Variants in MEI4 observed in about 807,000 individuals in gnomAD.
The protein encoded by MEI4 is meiotic double-stranded break formation protein 4, also known as meiosis-specific protein MEI4.
MEI4 carries 27 observed loss-of-function variants against 31.4 expected under a neutral mutation model. That is an observed-to-expected ratio of 0.86 (90% CI 0.63 to 1.19). The LOEUF is 1.19. Among genes scored for constraint, MEI4 ranks in the 50% most tolerant of loss-of-function variants. MEI4 has a pLI of 0.00. For synonymous variants in MEI4, 122 were observed against 145.4 expected, an observed-to-expected ratio of 0.84 and a Z score of 1.16; for missense variants, 329 against 398.9, an observed-to-expected ratio of 0.82 and a Z score of 1.49.
chr6:77,695,765 A>G (rs1766018529), intron 2 of MEI4, among the ~76,000 whole-genome samples: 2 of 152,164 alleles, frequency 1.3e-5, no homozygotes, highest in South Asian at 2.1e-4. Flanking sequence ...TTGGTTCCAT[A>G]TGAACTTGAA....
At chr6:77,827,342 CAG>C (rs1310400991) in intron 3 of MEI4, among the ~76,000 whole-genome samples, 2 of 113,286 alleles carry the variant, frequency 1.8e-5, no homozygotes, top group African/African-American at 7.0e-5. Flanking sequence ...GCCTGGGTGA[CAG>C]AGGGAGACTC....
At chr6:77,772,488 G>A (rs774503893) in intron 3 of MEI4, among the ~76,000 whole-genome samples, 2 of 151,802 alleles carry the variant, frequency 1.3e-5, no homozygotes, top group Admixed American at 1.3e-4. Context: ...CAATTGGTGT[G>A]GAAAAAGCAT....
intron 3 of MEI4, among the ~76,000 whole-genome samples, chr6:77,785,314 A>T (rs1265497584): frequency 6.6e-6 from 1 of 152,178 alleles, no homozygotes; most frequent in Non-Finnish European, 1.5e-5. Flanking sequence ...ATTTAGCATT[A>T]ACATCCTTGT....
intron 4 of MEI4, among the ~76,000 whole-genome samples, chr6:77,883,128 A>G (rs1327885034): frequency 6.6e-6 from 1 of 152,092 alleles, no homozygotes; most frequent in Non-Finnish European, 1.5e-5. Flanking sequence ...TATTAGTTTT[A>G]CCATATGTAT....
At chr6:77,765,021 A>C (rs768558690) in intron 3 of MEI4, among the ~76,000 whole-genome samples, 1 of 152,202 alleles carries the variant, frequency 6.6e-6, no homozygotes, top group African/African-American at 2.4e-5. Context: ...TTAAATGAAC[A>C]AGTTTTCAAT....
chr6:77,877,619 C>G (rs1286743964), intron 4 of MEI4, among the ~76,000 whole-genome samples: 2 of 151,422 alleles, frequency 1.3e-5, no homozygotes, highest in Non-Finnish European at 2.9e-5. Flanking sequence ...AGCTCTGGCC[C>G]TTTACAAAAT....
chr6:77,730,579 A>C (rs549803586), intron 2 of MEI4, among the ~76,000 whole-genome samples: 1 of 150,926 alleles, frequency 6.6e-6, no homozygotes. Flanking sequence ...GTCCCTTTTA[A>C]TTCAGTATTT....
intron 1 of MEI4, among the ~76,000 whole-genome samples, chr6:77,676,702 A>T (rs1319015808): frequency 6.6e-6 from 1 of 152,078 alleles, no homozygotes. Flanking sequence ...TTGGGTGGGG[A>T]AGCCTGGCGG....
At chr6:77,844,807 A>G (rs2127716070) in intron 4 of MEI4, among the ~76,000 whole-genome samples, 1 of 152,236 alleles carries the variant, frequency 6.6e-6, no homozygotes, top group South Asian at 2.1e-4. Context: ...AAAAGAGTCC[A>G]ATATCTTCAC....
intron 4 of MEI4, among the ~76,000 whole-genome samples, chr6:77,832,377 A>G (rs112468371): frequency 2.6e-5 from 4 of 152,042 alleles, no homozygotes; most frequent in South Asian, 2.1e-4. Context: ...ATTGTACTCT[A>G]TATAAGTCTG....
chr6:77,868,521 A>ATT (rs1771113655), intron 4 of MEI4, among the ~76,000 whole-genome samples: 7 of 138,342 alleles, frequency 5.1e-5, no homozygotes, highest in African/African-American at 1.5e-4. Flanking sequence ...ATATATATAT[A>ATT]TATATATGCA....
intron 2 of MEI4, among the ~76,000 whole-genome samples, chr6:77,706,554 CT>C (rs1174338237): frequency 6.6e-6 from 1 of 152,092 alleles, no homozygotes; most frequent in Non-Finnish European, 1.5e-5. Flanking sequence ...TCTTTTTCTC[CT>C]GTTAACCTGT....
At chr6:77,905,632 G>T (rs1453487022) in intron 4 of MEI4, among the ~76,000 whole-genome samples, 1 of 151,378 alleles carries the variant, frequency 6.6e-6, no homozygotes, top group East Asian at 1.9e-4. Context: ...GAGTAGCTGG[G>T]ACTACAGATG....
intron 4 of MEI4, among the ~76,000 whole-genome samples, chr6:77,890,325 T>A (rs796589757): frequency 6.6e-5 from 10 of 152,314 alleles, no homozygotes; most frequent in African/African-American, 2.2e-4. Flanking sequence ...GTGACCTGAA[T>A]ATGAGACATG....
intron 3 of MEI4, among the ~76,000 whole-genome samples, chr6:77,766,055 C>T (rs1453408439): frequency 6.6e-6 from 1 of 152,148 alleles, no homozygotes; most frequent in Non-Finnish European, 1.5e-5. Flanking sequence ...CCATGACATT[C>T]CTGAAACACC....
In MEI4 at chr6:77,923,647, T is replaced by C; in HGVS notation, c.*301T>C. The C allele has an allele frequency of 5.4e-6, 1 of 184,720 alleles. No homozygotes were observed. The highest frequency in any genetic ancestry group is 1.1e-5 in the Non-Finnish European group (1 of 90,064). The allele number at this position is 184,720 out of a possible 1,614,324, so 11.4% of individuals were successfully genotyped here. ...TGTAAAATGGACCATTAATTGTCTG[T>C]CCCTTAAAAGATATTGAAGTTGTAA... is the stretch of plus-strand genomic sequence containing the variant. On this transcript the variant is annotated 3_prime_UTR_variant, in exon 5 of 5. Coordinates refer to ENST00000684080, the MANE Select transcript of MEI4 (RefSeq NM_001322247.2).
chr6:77,778,762 G>A (rs977367321), intron 3 of MEI4, among the ~76,000 whole-genome samples: 1 of 151,696 alleles, frequency 6.6e-6, no homozygotes, highest in Non-Finnish European at 1.5e-5. Context: ...AATCCAGTAA[G>A]TATTAGGGGG....
At chr6:77,781,635 T>C (rs2127691154) in intron 3 of MEI4, among the ~76,000 whole-genome samples, 1 of 152,344 alleles carries the variant, frequency 6.6e-6, no homozygotes, top group Middle Eastern at 3.4e-3. Flanking sequence ...TTTCTATATG[T>C]TTTGCAATTA....
rs373056585 is a variant in MEI4, at chr6:77,733,137, T to C, written c.233-27993T>C. On this transcript the variant is annotated intron_variant, in intron 2 of 4. Coordinates refer to ENST00000684080, the MANE Select transcript of MEI4 (RefSeq NM_001322247.2). ...GCTTTGGTATCAAGATGATGCTGGC[T>C]TCATAAAATGAGTTAGGGAGGATTC... 1.1e-3 allele frequency among the ~76,000 whole-genome samples: 162 copies of C among 151,912 alleles called. 1 individual carries two copies. The highest frequency in any genetic ancestry group is 3.1e-3 in the African/African-American group (129 of 41,234).
Sources: gnomAD v4.1 joint callset for allele counts (sites outside exome capture counted in the v4.1 genomes callset) on GRCh38, gnomAD v4.1.1 for gene constraint, MANE v1.5 for transcripts, NCBI Gene and HGNC (gene_info 2026-07-23, HGNC 2026-07-21) for gene names.